Variants in SLC44A5 observed in about 807,000 individuals in gnomAD.
The protein encoded by SLC44A5 is solute carrier family 44 member 5, also known as choline transporter-like protein 5.
In SLC44A5, 57 loss-of-function variants were observed where a neutral mutation model predicts 101.8. The observed-to-expected ratio is 0.56, with a 90% confidence interval of 0.45 to 0.70. SLC44A5 has a LOEUF of 0.70. Among genes scored for constraint, SLC44A5 ranks in the 30% least tolerant of loss-of-function variants. SLC44A5 has a pLI of 0.00. For missense variants in SLC44A5, 737 were observed against 853.1 expected (o/e 0.86, Z 1.70); for synonymous variants, 281 against 290.9 (o/e 0.97, Z 0.35).
chr1:75,676,964 A>T, the SLC44A5 span, among the ~76,000 whole-genome samples: 1 of 152,216 alleles, frequency 6.6e-6, no homozygotes, highest in South Asian at 2.1e-4. Flanking sequence ...GTGGCATGAC[A>T]TATTTAAAGT....
intron 12 of SLC44A5, 60 bp downstream of exon 12, chr1:75,233,926 G>A: frequency 5.6e-6 from 7 of 1,240,306 alleles, no homozygotes; most frequent in Non-Finnish European, 7.0e-6. Context: ...ACTGATAACA[G>A]CGATTGAAAA....
chr1:75,411,797 C>A (rs1244474213), intron 2 of SLC44A5, among the ~76,000 whole-genome samples: 1 of 152,208 alleles, frequency 6.6e-6, no homozygotes, highest in Non-Finnish European at 1.5e-5. Context: ...TTTCTGGAAT[C>A]ATTTTTTCAT....
chr1:75,572,134 A>G (rs550416482), intron 1 of SLC44A5, among the ~76,000 whole-genome samples: 1 of 152,334 alleles, frequency 6.6e-6, no homozygotes, highest in South Asian at 2.1e-4. Flanking sequence ...TTCCTTAGGA[A>G]GTTAACTTAA....
chr1:75,591,933 G>A (rs919950204), intron 1 of SLC44A5, among the ~76,000 whole-genome samples: 1 of 151,956 alleles, frequency 6.6e-6, no homozygotes, highest in African/African-American at 2.4e-5. Context: ...CTACTGAATA[G>A]GGAAAAACCA....
Position 75,608,665 on chromosome 1 carries a change from T to A in SLC44A5, c.-70+2375A>T, listed in dbSNP as rs566563231. On this transcript the variant is annotated intron_variant, in intron 1 of 23. Transcript: ENST00000370859. ...CATTTTCTATTTCTATCCCCCTTACTAATTCCACTTGGTCTTCTTTCTGTT... is the reference window on the plus strand; with the variant it reads ...CATTTTCTATTTCTATCCCCCTTACAAATTCCACTTGGTCTTCTTTCTGTT... 2.0e-5 allele frequency among the ~76,000 whole-genome samples: 3 copies of A among 152,118 alleles called. No individual in the cohort carries two copies. In the South Asian group the frequency reaches 6.2e-4, roughly 32 times the overall value.
At chr1:75,671,353 A>C in the SLC44A5 span, among the ~76,000 whole-genome samples, 1 of 152,210 alleles carries the variant, frequency 6.6e-6, no homozygotes, top group Non-Finnish European at 1.5e-5. Context: ...CAGTCTCTTC[A>C]AAATTAGCAA....
intron 4 of SLC44A5, among the ~76,000 whole-genome samples, chr1:75,327,540 T>C (rs1288925882): frequency 6.6e-6 from 1 of 152,166 alleles, no homozygotes; most frequent in South Asian, 2.1e-4. Context: ...GGTAAGCTCA[T>C]ACCAAGTAAA....
At chr1:75,404,198 T>C (rs1662696164) in intron 2 of SLC44A5, among the ~76,000 whole-genome samples, 1 of 152,036 alleles carries the variant, frequency 6.6e-6, no homozygotes, top group South Asian at 2.1e-4. Flanking sequence ...TATGGGACTA[T>C]GTGAAAAGAC....
chr1:75,261,931 C>T (rs1230521800), intron 6 of SLC44A5, among the ~76,000 whole-genome samples: 1 of 152,058 alleles, frequency 6.6e-6, no homozygotes, highest in African/African-American at 2.4e-5. Context: ...AGGCCTTCGA[C>T]AAAATTCAAC....
chr1:75,307,069 A>G (rs1390393620), intron 4 of SLC44A5, among the ~76,000 whole-genome samples: 3 of 152,080 alleles, frequency 2.0e-5, no homozygotes, highest in African/African-American at 7.2e-5. Context: ...ATGAAATTCC[A>G]ATGATATCAA....
In SLC44A5 at chr1:75,237,040, T is replaced by C; in HGVS notation, c.687A>G (p.Ser229=). The part of the protein sequence containing the change: ...NGINKLLDAK[S]LGLKVFEDYA... Reference sequence around the variant, plus strand: ...AGTCTTCAAACACTTTCAATCCAAGTGACTTTGCATCAAGAAGTTTATTGA... The same window carrying C: ...AGTCTTCAAACACTTTCAATCCAAGCGACTTTGCATCAAGAAGTTTATTGA... The change falls in exon 11 of 24, where the codon TCA becomes TCG. Residue 229 remains serine (S), a synonymous_variant. Coordinates refer to ENST00000370859, the MANE Select transcript of SLC44A5 (RefSeq NM_001130058.2). 2 of 1,602,940 alleles carry C rather than the reference T, an allele frequency of 1.2e-6. No homozygotes were observed. Among genetic ancestry groups the C allele is most frequent in the South Asian group, 2.2e-5 (2 of 90,012 alleles).
At chr1:75,516,243 G>A (rs1256560817) in intron 2 of SLC44A5, among the ~76,000 whole-genome samples, 4 of 152,170 alleles carry the variant, frequency 2.6e-5, no homozygotes, top group Non-Finnish European at 5.9e-5. Context: ...GGCCGGGCGC[G>A]GTGGCTCACG....
intron 2 of SLC44A5, among the ~76,000 whole-genome samples, chr1:75,445,918 CG>C (rs1665547345): frequency 6.6e-6 from 1 of 152,110 alleles, no homozygotes; most frequent in South Asian, 2.1e-4. Context: ...TCAAGTTGCT[CG>C]GGGAAGAAAC....
At chr1:75,345,671 G>A (rs187959076) in intron 3 of SLC44A5, among the ~76,000 whole-genome samples, 7 of 152,206 alleles carry the variant, frequency 4.6e-5, no homozygotes. Context: ...GAAAGAATGT[G>A]TCATGTGTGA....
chr1:75,606,146 G>A (rs1027095025), intron 1 of SLC44A5, among the ~76,000 whole-genome samples: 1 of 151,696 alleles, frequency 6.6e-6, no homozygotes, highest in Non-Finnish European at 1.5e-5. Flanking sequence ...TCAAGTGAGG[G>A]AATGGACTGC....
chr1:75,673,572 T>C, the SLC44A5 span, among the ~76,000 whole-genome samples: 1 of 151,992 alleles, frequency 6.6e-6, no homozygotes, highest in African/African-American at 2.4e-5. Context: ...TGAGTGAACA[T>C]AGGTGGTAGG....
chr1:75,220,931 C>T (rs749126923), intron 14 of SLC44A5, among the ~76,000 whole-genome samples: 2 of 152,120 alleles, frequency 1.3e-5, no homozygotes, highest in African/African-American at 2.4e-5. Context: ...TATTTCAGTC[C>T]TTATTACCCC....
chr1:75,286,568 C>T lies in SLC44A5; in HGVS notation c.176-11526G>A, dbSNP rs1034294370. Among the ~76,000 whole-genome samples the T allele has an allele frequency of 2.6e-5, 4 of 152,016 alleles. No individual in the cohort carries two copies. In the East Asian group the frequency reaches 5.8e-4, roughly 22 times the overall value. On this transcript the variant is annotated intron_variant, in intron 5 of 23. Coordinates refer to ENST00000370859, the MANE Select transcript of SLC44A5 (RefSeq NM_001130058.2). ...TCATTGTGTTATTGTTTTATAGGTC[C>T]GTTGAGATTTATGCTTTAAGGAGGT...
At chr1:75,205,218 T>C (rs1037737461) in intron 23 of SLC44A5, 1 of 152,196 alleles carries the variant, frequency 6.6e-6, no homozygotes, top group Non-Finnish European at 1.5e-5. Flanking sequence ...GTGTCTACAC[T>C]TGAAGATAAT....
Sources: gnomAD v4.1 joint callset for allele counts (sites outside exome capture counted in the v4.1 genomes callset) on GRCh38, gnomAD v4.1.1 for gene constraint, MANE v1.5 for transcripts, NCBI Gene and HGNC (gene_info 2026-07-23, HGNC 2026-07-21) for gene names.